LRRC55: variants seen among roughly 807,000 people sequenced by gnomAD.
The protein encoded by LRRC55 is leucine-rich repeat-containing protein 55.
LRRC55 carries 11 observed loss-of-function variants against 20.5 expected under a neutral mutation model. That is an observed-to-expected ratio of 0.54 (90% confidence interval 0.34 to 0.89). The LOEUF (loss-of-function observed/expected upper bound fraction) is 0.89, where lower values mean the gene tolerates loss of function less well. LRRC55 is among the 40% of genes least tolerant of loss of function. LRRC55 has a pLI of 0.02. For missense variants in LRRC55, 358 were observed against 390.9 expected, an observed-to-expected ratio of 0.92 and a Z score of 0.71; for synonymous variants, 188 against 166.6, an observed-to-expected ratio of 1.13 and a Z score of -0.99.
rs776281695 is a variant in LRRC55, at chr11:57,182,082, G to C, written c.60G>C (p.Leu20=). The part of the protein sequence containing the change: ...WPGPPHPAML[L]ISLLLAAGLM... The stretch of plus-strand genomic sequence containing the variant: ...GGCCACCCCACCCAGCAATGCTGCT[G>C]ATCTCCCTCCTCTTGGCAGCCGGGT... Residue 20 remains leucine, a synonymous_variant, in exon 1 of 2, where the codon CTG becomes CTC. Coordinates refer to ENST00000497933, the MANE Select transcript of LRRC55 (RefSeq NM_001005210.4). 34 of 1,614,056 alleles carry C rather than the reference G, an allele frequency of 2.1e-5. No homozygotes were observed. In the South Asian group the frequency reaches 2.3e-4, roughly 11 times the overall value.
Position 57,182,487 on chromosome 11 carries a change from C to T in LRRC55, c.465C>T (p.Pro155=). Residue 155 remains proline, a synonymous_variant, in exon 1 of 2, where the codon CCC becomes CCT. Transcript: ENST00000497933. ...SHNPWLRRVH[P]QAFQGLMQLR... ...ACCCCTGGCTGCGGAGGGTGCATCC[C>T]CAGGCCTTTCAGGGCCTCATGCAGC... The T allele has an allele frequency of 6.2e-7, 1 of 1,606,908 alleles. No individual in the cohort carries two copies. The highest frequency in any genetic ancestry group is 8.5e-7 in the Non-Finnish European group (1 of 1,176,090).
Position 57,190,825 on chromosome 11 carries a change from C to T in LRRC55, c.*3345C>T, listed in dbSNP as rs1247754518. On this transcript the variant is annotated 3_prime_UTR_variant, in exon 2 of 2. Transcript: ENST00000497933. Reference sequence around the variant, plus strand: ...TTACTTTTGCGTCAATCTAATATTACATTGCTTGATAGATTAAGATGGAAT... The same window carrying T: ...TTACTTTTGCGTCAATCTAATATTATATTGCTTGATAGATTAAGATGGAAT... 6 of 102,954 alleles carry T rather than the reference C, an allele frequency of 5.8e-5. No homozygotes were observed. The allele number at this position is 102,954 out of a possible 1,614,324, so 6.4% of individuals were successfully genotyped here. A position where few individuals can be genotyped will look rare whatever the true frequency, so the allele number is the denominator to read the frequency against.
Position 57,182,218 on chromosome 11 carries a change from G to T in LRRC55, c.196G>T (p.Asp66Tyr). 1 of 1,614,166 alleles carries T rather than the reference G, an allele frequency of 6.2e-7. No individual in the cohort carries two copies. Among genetic ancestry groups the T allele is most frequent in the Non-Finnish European group, 8.5e-7 (1 of 1,180,024 alleles). Residue 66 changes from aspartate to tyrosine, a missense_variant, in exon 1 of 2, where the codon GAC becomes TAC. This residue lies in a region of LRRC55 where 175 missense variants were observed against 164.5 expected (regional missense o/e 1.06). Coordinates refer to ENST00000497933, the MANE Select transcript of LRRC55 (RefSeq NM_001005210.4). ...LFSVPPDLPMDTRNLSLAHNR... is the reference protein window; with the variant it reads ...LFSVPPDLPMYTRNLSLAHNR... ...CTCCGTGCCCCCAGACCTGCCAATG[G>T]ACACCCGAAACCTCAGCCTGGCCCA...
Position 57,187,515 on chromosome 11 carries a change from G to C in LRRC55, c.*35G>C, listed in dbSNP as rs371603212. The C allele has an allele frequency of 6.4e-7, 1 of 1,572,238 alleles. No individual in the cohort carries two copies. Among genetic ancestry groups the C allele is most frequent in the Non-Finnish European group, 8.7e-7 (1 of 1,150,598 alleles). On this transcript the variant is annotated 3_prime_UTR_variant, in exon 2 of 2. Coordinates refer to ENST00000497933, the MANE Select transcript of LRRC55 (RefSeq NM_001005210.4). ...CTCTCATCCCTCCATGCTGCTGACCGCCACAGCTGCTGGCCACCAGACGCC... is the reference window on the plus strand; with the variant it reads ...CTCTCATCCCTCCATGCTGCTGACCCCCACAGCTGCTGGCCACCAGACGCC...
Position 57,182,278 on chromosome 11 carries a change from A to C in LRRC55, c.256A>C (p.Thr86Pro). ...CACAGCAGTGCCGCCTGGCTACCTC[A>C]CATGCTACATGGAGCTCCAGGTGCT... is the stretch of plus-strand genomic sequence containing the variant. ...RITAVPPGYL[T>P]CYMELQVLDL... The change falls in exon 1 of 2, where the codon ACA (threonine) becomes CCA (proline). Residue 86 changes from threonine (T) to proline (P), a missense_variant. Around this residue, in one of 3 missense-constraint regions of LRRC55, gnomAD observed 175 missense variants for 164.5 expected, o/e 1.06. Transcript: ENST00000497933. 6.2e-7 allele frequency: 1 copy of C among 1,614,092 alleles called. No homozygotes were observed. Among genetic ancestry groups the C allele is most frequent in the Non-Finnish European group, 8.5e-7 (1 of 1,179,990 alleles).
At chr11:57,184,579 C>T (rs1249564020) in intron 1 of LRRC55, among the ~76,000 whole-genome samples, 1 of 152,228 alleles carries the variant, frequency 6.6e-6, no homozygotes, top group East Asian at 1.9e-4. Flanking sequence ...GGGACAAAAC[C>T]TTGCCAGTGG....
At position 57,191,387 on chromosome 11, in the gene LRRC55, G is replaced by T. The variant is rs1445697544; in HGVS notation, c.*3907G>T. On this transcript the variant is annotated 3_prime_UTR_variant, in exon 2 of 2. Transcript: ENST00000497933. ...ATATATCTTAACCCATTCCTCAAAAGGACATCTTCCTAAAGCCAGAGAAAA... is the reference window on the plus strand; with the variant it reads ...ATATATCTTAACCCATTCCTCAAAATGACATCTTCCTAAAGCCAGAGAAAA... 6.6e-6 allele frequency: 1 copy of T among 152,164 alleles called. No homozygotes were observed. The highest frequency in any genetic ancestry group is 1.5e-5 in the Non-Finnish European group (1 of 68,042). 9.4% of individuals were successfully genotyped at this position (152,164 alleles called of 1,614,324 possible).
rs1190749411 is a variant in LRRC55, at chr11:57,187,573, C to A, written c.*93C>A. ...ACTGCTCACTCTGGTTCCATGGTGA[C>A]CTGGCTGCCTCAGTCATGGTTCAAG... On this transcript the variant is annotated 3_prime_UTR_variant, in exon 2 of 2. Transcript: ENST00000497933. The A allele has an allele frequency of 3.1e-5, 38 of 1,219,474 alleles. No homozygotes were observed. The highest frequency in any genetic ancestry group is 4.2e-5 in the Non-Finnish European group (36 of 856,518). 75.5% of individuals were successfully genotyped at this position (1,219,474 alleles called of 1,614,324 possible).
rs762540441 is a variant in LRRC55, at chr11:57,182,255, CA to C, written c.234del (p.Ala79GlnfsTer23). 1 of 1,614,218 alleles carries C rather than the reference CA, an allele frequency of 6.2e-7. No individual in the cohort carries two copies. Among genetic ancestry groups the C allele is most frequent in the East Asian group, 2.2e-5 (1 of 44,874 alleles). On this transcript the variant is annotated frameshift_variant, in exon 1 of 2. Transcript: ENST00000497933. LOFTEE classifies it high-confidence loss of function. ...RNLSLAHNRITAVPPGYLTCY... is the reference protein window; with the variant it reads ...RNLSLAHNRIXAVPPGYLTCY... Reference sequence around the variant, plus strand: ...CTCAGCCTGGCCCACAACCGCATCACAGCAGTGCCGCCTGGCTACCTCACAT... The same window carrying C: ...CTCAGCCTGGCCCACAACCGCATCACGCAGTGCCGCCTGGCTACCTCACAT...
At chr11:57,186,023 T>C (rs951978396) in intron 1 of LRRC55, among the ~76,000 whole-genome samples, 3 of 151,696 alleles carry the variant, frequency 2.0e-5, no homozygotes, top group African/African-American at 7.3e-5. Flanking sequence ...CATTAATATG[T>C]AGCATATAAT....
In LRRC55 at chr11:57,182,370, A is replaced by G. The variant is rs1305272860; in HGVS notation, c.348A>G (p.Ala116=). 2.5e-6 allele frequency: 4 copies of G among 1,613,842 alleles called. No individual in the cohort carries two copies. Among genetic ancestry groups the G allele is most frequent in the Non-Finnish European group, 3.4e-6 (4 of 1,179,942 alleles). The change falls in exon 1 of 2, where the codon GCA becomes GCG. Residue 116 remains alanine (A), a synonymous_variant. Transcript: ENST00000497933. The part of the protein sequence containing the change: ...RGLFLHAKRL[A]HLDLSYNNFS... Reference sequence around the variant, plus strand: ...TCTTCCTCCATGCCAAGCGCTTGGCACACTTGGACCTGAGCTACAACAATT... The same window carrying G: ...TCTTCCTCCATGCCAAGCGCTTGGCGCACTTGGACCTGAGCTACAACAATT...
At chr11:57,182,876 G>A (rs955046025) in intron 1 of LRRC55, among the ~76,000 whole-genome samples, 193 bp downstream of exon 1, 1 of 152,166 alleles carries the variant, frequency 6.6e-6, no homozygotes, top group Admixed American at 6.5e-5. Context: ...GAGGCACCGA[G>A]GGCCCATTCA....
rs767690949 is a variant in LRRC55, at chr11:57,188,484, C to T, written c.*1004C>T. ...CATTTTCTTCTAAGCAACTTACCCA[C>T]GTTAAGCATGAGGGTGAGAGAGCTA... On this transcript the variant is annotated 3_prime_UTR_variant, in exon 2 of 2. Transcript: ENST00000497933. 1.3e-5 allele frequency: 2 copies of T among 152,256 alleles called. No individual in the cohort carries two copies. Among genetic ancestry groups the T allele is most frequent in the South Asian group, 4.1e-4 (2 of 4,824 alleles). The allele number at this position is 152,256 out of a possible 1,614,324, so 9.4% of individuals were successfully genotyped here.
intron 1 of LRRC55, 106 bp downstream of exon 1, chr11:57,182,789 C>T (rs1854380288): frequency 8.1e-6 from 10 of 1,234,434 alleles, no homozygotes; most frequent in Admixed American, 2.9e-5. Flanking sequence ...GCACCTACTG[C>T]ATTTTCTAAT....
At position 57,182,215 on chromosome 11, in the gene LRRC55, A is replaced by G. The variant is rs764477876; in HGVS notation, c.193A>G (p.Met65Val). Residue 65 changes from methionine (M) to valine (V), a missense_variant, in exon 1 of 2, where the codon ATG (methionine) becomes GTG (valine). Around this residue, in one of 3 missense-constraint regions of LRRC55, gnomAD observed 175 missense variants for 164.5 expected, o/e 1.06. Coordinates refer to ENST00000497933, the MANE Select transcript of LRRC55 (RefSeq NM_001005210.4). ...RLFSVPPDLP[M>V]DTRNLSLAHN... ...ATTCTCCGTGCCCCCAGACCTGCCA[A>G]TGGACACCCGAAACCTCAGCCTGGC... is the stretch of plus-strand genomic sequence containing the variant. The G allele has an allele frequency of 2.5e-6, 4 of 1,614,044 alleles. No homozygotes were observed. The African/African-American group carries it at 4.0e-5, about 16-fold the overall frequency.
Position 57,182,542 on chromosome 11 carries a change from C to A in LRRC55, c.520C>A (p.Leu174Met), listed in dbSNP as rs141547304. 8 of 1,575,498 alleles carry A rather than the reference C, an allele frequency of 5.1e-6. No homozygotes were observed. The highest frequency in any genetic ancestry group is 1.4e-5 in the African/African-American group (1 of 73,966). The change falls in exon 1 of 2, where the codon CTG (leucine) becomes ATG (methionine). Residue 174 changes from leucine (L) to methionine (M), a missense_variant. Transcript: ENST00000497933. ...LRDLDLSYGG[L>M]AFLSLEALEG... ...AGACCTGGACCTCAGTTATGGGGGC[C>A]TGGCCTTCCTCAGCCTGGAGGCTCT...
rs200316937 is a variant in LRRC55, at chr11:57,182,186, G to A, written c.164G>A (p.Arg55Gln). ...RNQVVDCSSQRLFSVPPDLPM... is the reference protein window; with the variant it reads ...RNQVVDCSSQQLFSVPPDLPM... Reference sequence around the variant, plus strand: ...CAGGTGGTGGATTGTAGCAGCCAGCGGCTATTCTCCGTGCCCCCAGACCTG... The same window carrying A: ...CAGGTGGTGGATTGTAGCAGCCAGCAGCTATTCTCCGTGCCCCCAGACCTG... The change falls in exon 1 of 2, where the codon CGG becomes CAG. Residue 55 changes from arginine (R) to glutamine (Q), a missense_variant. Arg to Gln is a conservative substitution (Grantham distance 43). Coordinates refer to ENST00000497933, the MANE Select transcript of LRRC55 (RefSeq NM_001005210.4). 1.7e-4 allele frequency: 276 copies of A among 1,614,140 alleles called. 1 individual carries two copies. The highest frequency in any genetic ancestry group is 2.1e-4 in the Non-Finnish European group (248 of 1,180,022).
At chr11:57,182,714 A>T (rs1170893594) in intron 1 of LRRC55, 31 bp downstream of exon 1, 2 of 1,439,842 alleles carry the variant, frequency 1.4e-6, no homozygotes, top group East Asian at 4.7e-5. Flanking sequence ...GGCAGTCAAC[A>T]GGGAGGGCTT....
chr11:57,182,046 T>G lies in LRRC55; in HGVS notation c.24T>G (p.Leu8=), dbSNP rs770689745. 9.9e-6 allele frequency: 16 copies of G among 1,614,148 alleles called. No homozygotes were observed. The highest frequency in any genetic ancestry group is 1.4e-5 in the Non-Finnish European group (16 of 1,180,024). The change falls in exon 1 of 2, where the codon CTT becomes CTG. Residue 8 remains leucine (L), a synonymous_variant. Transcript: ENST00000497933. Reference sequence around the variant, plus strand: ...AGATGGGTGACACTTGGGCCCAGCTTCCCTGGCCCGGGCCACCCCACCCAG... The same window carrying G: ...AGATGGGTGACACTTGGGCCCAGCTGCCCTGGCCCGGGCCACCCCACCCAG... MGDTWAQ[L]PWPGPPHPAM...
Sources: allele counts gnomAD v4.1 joint callset (sites outside exome capture counted in the v4.1 genomes callset), GRCh38; gene constraint gnomAD v4.1.1; regional missense constraint gnomAD v4.1.1; transcripts MANE v1.5; gene names NCBI Gene and HGNC (gene_info 2026-07-23, HGNC 2026-07-21).